CCDC3: variants seen among roughly 807,000 people sequenced by gnomAD.
The protein encoded by CCDC3 is coiled-coil domain containing 3, also known as coiled-coil domain-containing protein 3.
CCDC3 carries 24 observed loss-of-function variants against 21.4 expected under a neutral mutation model. That is an observed-to-expected ratio of 1.12 (90% CI 0.81 to 1.58). The LOEUF (loss-of-function observed/expected upper bound fraction) is 1.58, where lower values mean the gene tolerates loss of function less well. CCDC3 is among the 40% of genes most tolerant of loss of function. The pLI, the probability that CCDC3 is intolerant of heterozygous loss-of-function variation, is 0.00. For synonymous variants in CCDC3, 186 were observed against 166.0 expected, an observed-to-expected ratio of 1.12 and a Z score of -0.93; for missense variants, 425 against 360.9, an observed-to-expected ratio of 1.18 and a Z score of -1.44.
intron 3 of CCDC3, among the ~76,000 whole-genome samples, chr10:13,094,984 G>A (rs537610794): frequency 2.0e-5 from 3 of 152,270 alleles, no homozygotes; most frequent in African/African-American, 7.2e-5. Flanking sequence ...ACTTGGCTGA[G>A]GCTGTAGGTT....
chr10:12,974,579 G>T (rs1747755351), intron 2 of CCDC3, among the ~76,000 whole-genome samples: 1 of 152,224 alleles, frequency 6.6e-6, no homozygotes, highest in African/African-American at 2.4e-5. Flanking sequence ...GATGTGTGGG[G>T]TAGGTGCTGG....
At chr10:12,965,532 ATTT>A (rs1456501012) in intron 2 of CCDC3, among the ~76,000 whole-genome samples, 2 of 152,210 alleles carry the variant, frequency 1.3e-5, no homozygotes, top group African/African-American at 2.4e-5. Flanking sequence ...TGATTGTTAG[ATTT>A]TTGAGTGTAC....
chr10:12,966,893 G>A (rs1023645620), intron 2 of CCDC3, among the ~76,000 whole-genome samples: 1 of 152,058 alleles, frequency 6.6e-6, no homozygotes, highest in Admixed American at 6.6e-5. Context: ...TTATCTCTTT[G>A]GGTCTCCTCA....
intron 5 of CCDC3, among the ~76,000 whole-genome samples, chr10:13,038,417 C>T (rs1341199502): frequency 3.3e-5 from 5 of 149,992 alleles, no homozygotes; most frequent in Admixed American, 3.3e-4. Flanking sequence ...CTGAGTTCTG[C>T]TCTCAAGACT....
chr10:12,974,084 TCA>T (rs1042922911), intron 2 of CCDC3, among the ~76,000 whole-genome samples: 3 of 152,190 alleles, frequency 2.0e-5, no homozygotes, highest in African/African-American at 7.2e-5. Context: ...AGGTCAAAGG[TCA>T]CAGTCTATAG....
chr10:13,025,971 A>G (rs1344064080), intron 5 of CCDC3, among the ~76,000 whole-genome samples: 1 of 152,154 alleles, frequency 6.6e-6, no homozygotes, highest in African/African-American at 2.4e-5. Flanking sequence ...ACTTGAGGCC[A>G]GGAGTTCAAG....
intron 2 of CCDC3, among the ~76,000 whole-genome samples, chr10:12,907,079 G>T (rs12266955): frequency 0.16 from 24,936 of 151,994 alleles, 2,870 homozygotes; most frequent in African/African-American, 0.32. Flanking sequence ...TGGTTCCATT[G>T]TCAAGTTTAT....
At chr10:12,903,587 G>A (rs56007993) in intron 2 of CCDC3, among the ~76,000 whole-genome samples, 1 of 152,194 alleles carries the variant, frequency 6.6e-6, no homozygotes, top group Non-Finnish European at 1.5e-5. Flanking sequence ...CAAAGCAACA[G>A]ACTCCTCATA....
chr10:12,976,693 G>A (rs1389633909), intron 2 of CCDC3, among the ~76,000 whole-genome samples: 1 of 152,196 alleles, frequency 6.6e-6, no homozygotes, highest in African/African-American at 2.4e-5. Flanking sequence ...TGAAAATCCA[G>A]TAAGACTTGG....
At chr10:12,968,214 C>T (rs887396358) in intron 2 of CCDC3, among the ~76,000 whole-genome samples, 1 of 150,608 alleles carries the variant, frequency 6.6e-6, no homozygotes, top group African/African-American at 2.4e-5. Flanking sequence ...CACACACACA[C>T]ACACACACAC....
intron 4 of CCDC3, chr10:13,058,563 C>T (rs1353414258): frequency 2.9e-5 from 20 of 696,114 alleles, no homozygotes; most frequent in Non-Finnish European, 2.6e-5. Flanking sequence ...TTTTATCCTG[C>T]ATCACCAAGC....
chr10:12,950,991 A>G lies in CCDC3; in HGVS notation c.549+47347T>C, dbSNP rs192919037. On this transcript the variant is annotated intron_variant, in intron 2 of 2. Transcript: ENST00000378825. The stretch of plus-strand genomic sequence containing the variant: ...GCCTTCCTCGATAACACGAAGGTTG[A>G]GCTTTCTCTGGCTCACTCTGCACAG... Among the ~76,000 whole-genome samples, 95 of 152,316 alleles carry G rather than the reference A, an allele frequency of 6.2e-4. 1 individual carries two copies. The highest frequency in any genetic ancestry group is 3.5e-3 in the South Asian group (17 of 4,826).
intron 2 of CCDC3, among the ~76,000 whole-genome samples, chr10:12,996,674 A>C (rs958709152): frequency 6.6e-6 from 1 of 152,160 alleles, no homozygotes; most frequent in African/African-American, 2.4e-5. Flanking sequence ...CTTCACAGGA[A>C]TAGCTTCTGT....
intron 3 of CCDC3, among the ~76,000 whole-genome samples, chr10:13,091,362 C>T (rs571667737): frequency 6.6e-6 from 1 of 152,130 alleles, no homozygotes; most frequent in Non-Finnish European, 1.5e-5. Flanking sequence ...GATTAGTGCC[C>T]TCATGAAAGA....
At chr10:13,039,816 G>A (rs943760903) in intron 5 of CCDC3, among the ~76,000 whole-genome samples, 3 of 151,692 alleles carry the variant, frequency 2.0e-5, no homozygotes, top group Admixed American at 6.6e-5. Flanking sequence ...TTGGAAATGC[G>A]GGAGAGGTGG....
At chr10:13,084,393 A>T (rs137982913) in intron 3 of CCDC3, among the ~76,000 whole-genome samples, 1,909 of 151,130 alleles carry the variant, frequency 0.013, 24 homozygotes, top group Non-Finnish European at 0.019. Context: ...GGTTCAAGCG[A>T]TTCTTGTGCC....
chr10:13,026,742 T>A (rs1836221922), intron 5 of CCDC3, among the ~76,000 whole-genome samples: 1 of 152,248 alleles, frequency 6.6e-6, no homozygotes, highest in Non-Finnish European at 1.5e-5. Flanking sequence ...TTTTTCTCCC[T>A]AGAGATTCTC....
chr10:13,014,423 C>T (rs1302257946), intron 5 of CCDC3, among the ~76,000 whole-genome samples: 3 of 143,266 alleles, frequency 2.1e-5, no homozygotes, highest in African/African-American at 7.8e-5. Flanking sequence ...GCACTCCAGC[C>T]TGGGCGACAG....
At chr10:13,050,158 G>T (rs1836585271) in intron 4 of CCDC3, among the ~76,000 whole-genome samples, 1 of 152,218 alleles carries the variant, frequency 6.6e-6, no homozygotes, top group African/African-American at 2.4e-5. Flanking sequence ...TGGGGAAGGG[G>T]AACACAGCAT....
Sources: allele counts gnomAD v4.1 joint callset (sites outside exome capture counted in the v4.1 genomes callset), GRCh38; gene constraint gnomAD v4.1.1; transcripts MANE v1.5; gene names NCBI Gene and HGNC (gene_info 2026-07-23, HGNC 2026-07-21).